The following PDSS2 variants were observed in gnomAD, a reference collection of about 807,000 sequenced individuals.
PDSS2 encodes the protein decaprenyl diphosphate synthase subunit 2.
PDSS2 carries 31 observed loss-of-function variants against 44.5 expected under a neutral mutation model. The observed-to-expected ratio is 0.70, with a 90% CI of 0.52 to 0.94. The LOEUF (loss-of-function observed/expected upper bound fraction) is 0.94, where lower values mean the gene tolerates loss of function less well. Ranked by LOEUF, PDSS2 falls within the 40% of genes least tolerant of loss-of-function variation. PDSS2 has a pLI of 0.00. For synonymous variants in PDSS2, 157 were observed against 180.3 expected (o/e 0.87, Z 1.03); for missense variants, 452 against 482.2 (o/e 0.94, Z 0.59).
chr6:107,428,351 A>G (rs1056080432), intron 1 of PDSS2, among the ~76,000 whole-genome samples: 1 of 152,238 alleles, frequency 6.6e-6, no homozygotes, highest in Non-Finnish European at 1.5e-5. Context: ...GTTGATCACT[A>G]TCTTCAACCA....
chr6:107,400,166 C>G (rs1242816506), intron 1 of PDSS2, among the ~76,000 whole-genome samples: 1 of 152,002 alleles, frequency 6.6e-6, no homozygotes, highest in Non-Finnish European at 1.5e-5. Flanking sequence ...TGTCAGGGAG[C>G]AGTGGAGAGA....
chr6:107,264,523 A>C (rs577130598), intron 3 of PDSS2: 9 of 1,457,950 alleles, frequency 6.2e-6, no homozygotes, highest in Middle Eastern at 1.7e-4. Context: ...CTACAAAGAA[A>C]AAAAAATAAC....
intron 2 of PDSS2, among the ~76,000 whole-genome samples, chr6:107,307,333 CCT>C (rs1267618540): frequency 2.6e-5 from 4 of 152,238 alleles, no homozygotes; most frequent in Non-Finnish European, 4.4e-5. Context: ...GAAAATGTCC[CCT>C]GTTCATCTCA....
Position 107,354,345 on chromosome 6 carries a change from T to C in PDSS2, c.297-20013A>G, listed in dbSNP as rs560145859. Among the ~76,000 whole-genome samples, 8 of 152,272 alleles carry C rather than the reference T, an allele frequency of 5.3e-5. No individual in the cohort carries two copies. The South Asian group carries it at 1.7e-3, about 32-fold the overall frequency. ...TTGCCATCTTTTCTTAAAGAACAAA[T>C]GAGAAATTATGAAACAGGAAGAGTT... On this transcript the variant is annotated intron_variant, in intron 1 of 7. Transcript: ENST00000369037.
At chr6:107,282,131 G>T (rs973464028) in intron 2 of PDSS2, among the ~76,000 whole-genome samples, 2 of 151,992 alleles carry the variant, frequency 1.3e-5, no homozygotes, top group Admixed American at 6.6e-5. Context: ...GTCTCGAACC[G>T]CTGACCTCAG....
intron 7 of PDSS2, among the ~76,000 whole-genome samples, chr6:107,174,330 C>T (rs1771711364): frequency 6.6e-6 from 1 of 152,160 alleles, no homozygotes; most frequent in Non-Finnish European, 1.5e-5. Flanking sequence ...GAAGATTCCA[C>T]TTATAAATAA....
chr6:107,263,955 T>G (rs890656264), intron 3 of PDSS2, among the ~76,000 whole-genome samples: 2 of 152,190 alleles, frequency 1.3e-5, no homozygotes, highest in Non-Finnish European at 2.9e-5. Context: ...AAATCTACAC[T>G]TGAGTGGGTT....
chr6:107,325,880 GAA>G (rs1365493576), intron 2 of PDSS2, among the ~76,000 whole-genome samples: 1 of 152,104 alleles, frequency 6.6e-6, no homozygotes, highest in Non-Finnish European at 1.5e-5. Context: ...TTTTTCCACT[GAA>G]GAGTTATTTT....
chr6:107,191,213 C>G (rs1772368662), intron 7 of PDSS2, among the ~76,000 whole-genome samples: 1 of 152,096 alleles, frequency 6.6e-6, no homozygotes, highest in Admixed American at 6.6e-5. Flanking sequence ...GGGTTTTAAG[C>G]TGGAGAGAGA....
chr6:107,459,128 A>T lies in PDSS2; in HGVS notation c.158T>A (p.Val53Glu), dbSNP rs1331477498. 2.5e-6 allele frequency: 4 copies of T among 1,614,024 alleles called. No homozygotes were observed. The African/African-American group carries it at 5.3e-5, about 22-fold the overall frequency. Residue 53 changes from valine to glutamate, a missense_variant, in exon 1 of 8, where the codon GTG becomes GAG. Physicochemically the swap from Val to Glu is moderately radical, Grantham distance 121. Transcript: ENST00000369037. This position sits in a 1 kb window ranked among gnomAD's most constrained non-coding sequence, Gnocchi z 4.3. The part of the protein sequence containing the change: ...SKSPAHWNQV[V>E]SEAEKIVGYP... ...CCCCACGATCTTCTCCGCCTCTGAC[A>T]CTACCTGATTCCAGTGGGCCGGGGA...
At chr6:107,442,498 A>T (rs1781540103) in intron 1 of PDSS2, among the ~76,000 whole-genome samples, 1 of 152,200 alleles carries the variant, frequency 6.6e-6, no homozygotes, top group Non-Finnish European at 1.5e-5. Context: ...ATAATTCTAT[A>T]CTTCCTCCCT....
At chr6:107,166,616 G>A (rs146756905) in intron 7 of PDSS2, among the ~76,000 whole-genome samples, 6,901 of 152,144 alleles carry the variant, frequency 0.045, 218 homozygotes, top group Middle Eastern at 0.15. Context: ...CGCCCGCCTC[G>A]GCCTCCCAAA....
intron 7 of PDSS2, among the ~76,000 whole-genome samples, chr6:107,165,995 T>C (rs1173041058): frequency 2.0e-5 from 3 of 152,198 alleles, no homozygotes; most frequent in Admixed American, 2.0e-4. Flanking sequence ...AGAATGCTTG[T>C]GATTTTTGCA....
At chr6:107,172,153 G>C (rs537682856) in intron 7 of PDSS2, among the ~76,000 whole-genome samples, 3 of 152,156 alleles carry the variant, frequency 2.0e-5, no homozygotes, top group Admixed American at 2.0e-4. Flanking sequence ...AGGATACAAA[G>C]TACTTAAAAT....
intron 1 of PDSS2, among the ~76,000 whole-genome samples, chr6:107,436,995 G>GT (rs1029543258): frequency 5.8e-4 from 86 of 149,460 alleles, no homozygotes; most frequent in Non-Finnish European, 6.9e-4. Flanking sequence ...CTCAGTGTGG[G>GT]TTTTTTTTTT....
At chr6:107,391,852 T>G (rs1177403743) in intron 1 of PDSS2, among the ~76,000 whole-genome samples, 1 of 122,576 alleles carries the variant, frequency 8.2e-6, no homozygotes, top group African/African-American at 2.5e-5. Context: ...AGATACATGC[T>G]CATTTTTTTT....
At chr6:107,280,668 C>CAG (rs1562431391) in intron 2 of PDSS2, among the ~76,000 whole-genome samples, 1 of 152,128 alleles carries the variant, frequency 6.6e-6, no homozygotes, top group East Asian at 1.9e-4. Context: ...GCCTGGGCAA[C>CAG]AGAGACCCTG....
At chr6:107,246,988 T>C (rs1353425455) in intron 3 of PDSS2, among the ~76,000 whole-genome samples, 1 of 152,178 alleles carries the variant, frequency 6.6e-6, no homozygotes, top group East Asian at 1.9e-4. Context: ...AGTTGAGTTA[T>C]TTAAGTGGGG....
chr6:107,451,080 C>T (rs1273592754), intron 1 of PDSS2, among the ~76,000 whole-genome samples: 1 of 152,204 alleles, frequency 6.6e-6, no homozygotes, highest in African/African-American at 2.4e-5. Context: ...GATCTGCCTG[C>T]CTCAGCCTCC....
Sources: gnomAD v4.1 joint callset for allele counts (sites outside exome capture counted in the v4.1 genomes callset) on GRCh38, gnomAD v4.1.1 for gene constraint, Gnocchi (gnomAD v3.1) non-coding constraint, MANE v1.5 for transcripts, NCBI Gene and HGNC (gene_info 2026-07-23, HGNC 2026-07-21) for gene names.